The following DNAJC18 variants were observed in gnomAD, a reference collection of about 807,000 sequenced individuals.
DNAJC18 encodes DnaJ heat shock protein family (Hsp40) member C18.
A neutral mutation model predicts 48.6 loss-of-function variants in DNAJC18; 40 were observed. The ratio of observed to expected loss-of-function variants is 0.82; its 90% CI spans 0.64 to 1.07. DNAJC18 has a LOEUF of 1.07. Among genes scored for constraint, DNAJC18 ranks in the 50% least tolerant of loss-of-function variants. The pLI is 0.00. For missense variants in DNAJC18, 340 were observed against 427.7 expected (o/e 0.79, Z 1.81); for synonymous variants, 135 against 152.2 (o/e 0.89, Z 0.83).
In DNAJC18 at chr5:139,412,741, G is replaced by T; in HGVS notation, c.*1407C>A. On this transcript the variant is annotated 3_prime_UTR_variant, in exon 8 of 8. Transcript: ENST00000302060. ...TCTTCCTAGTCACCAGTGGAGGGCT[G>T]CCTGCCTGTGAGGGACCTCTTATTT... 1 of 398,666 alleles carries T rather than the reference G, an allele frequency of 2.5e-6. No individual in the cohort carries two copies. The highest frequency in any genetic ancestry group is 1.3e-4 in the South Asian group (1 of 7,856). The allele number at this position is 398,666 out of a possible 1,614,324, so 24.7% of individuals were successfully genotyped here.
intron 7 of DNAJC18, among the ~76,000 whole-genome samples, chr5:139,416,999 C>G (rs1759078539): frequency 6.6e-6 from 1 of 152,090 alleles, no homozygotes; most frequent in African/African-American, 2.4e-5. Context: ...ACCAGCCTGA[C>G]CAACATCCTT....
intron 2 of DNAJC18, among the ~76,000 whole-genome samples, chr5:139,436,526 T>G (rs866062941): frequency 7.0e-6 from 1 of 143,428 alleles, no homozygotes; most frequent in East Asian, 2.0e-4. Flanking sequence ...TTTTTTTTTT[T>G]TTTTTTTTTT....
intron 5 of DNAJC18, among the ~76,000 whole-genome samples, chr5:139,423,021 G>A (rs1759179854): frequency 6.6e-6 from 1 of 152,036 alleles, no homozygotes; most frequent in Non-Finnish European, 1.5e-5. Context: ...ATTTTTAGTA[G>A]AGACAGGGTT....
chr5:139,424,317 T>C (rs1013393858), intron 5 of DNAJC18, among the ~76,000 whole-genome samples: 2 of 152,186 alleles, frequency 1.3e-5, no homozygotes, highest in Non-Finnish European at 2.9e-5. Flanking sequence ...TGTTCCTGTC[T>C]GTCATGAGGC....
intron 2 of DNAJC18, among the ~76,000 whole-genome samples, chr5:139,436,515 C>CTTTTTTTTT (rs57926576): frequency 8.9e-5 from 6 of 67,644 alleles, no homozygotes; most frequent in Non-Finnish European, 7.6e-5. Flanking sequence ...ATCCCTCTTT[C>CTTTTTTTTT]TTTTTTTTTT....
intron 6 of DNAJC18, 150 bp downstream of exon 6, chr5:139,422,558 C>A: frequency 1.6e-6 from 1 of 631,354 alleles, no homozygotes. Flanking sequence ...TGAGTCTCAG[C>A]ACCATGACTA....
chr5:139,425,831 C>T (rs1413864669), intron 4 of DNAJC18, among the ~76,000 whole-genome samples: 1 of 152,162 alleles, frequency 6.6e-6, no homozygotes, highest in African/African-American at 2.4e-5. Flanking sequence ...TTCCTATCTT[C>T]TATCTTTGTA....
In DNAJC18 at chr5:139,421,363, C is replaced by T. The variant is rs1437146374; in HGVS notation, c.780-1138G>A. ...ACTCAGGAGGCTGAGGCATGAGAAT[C>T]GCTTGAACCTGGGAGAAGGGGATTA... On this transcript the variant is annotated intron_variant, in intron 6 of 7. Transcript: ENST00000302060. Among the ~76,000 whole-genome samples, 7 of 151,538 alleles carry T rather than the reference C, an allele frequency of 4.6e-5. No homozygotes were observed. The South Asian group carries it at 1.3e-3, about 27-fold the overall frequency.
At chr5:139,421,228 G>A (rs2152083246) in intron 6 of DNAJC18, among the ~76,000 whole-genome samples, 1 of 152,300 alleles carries the variant, frequency 6.6e-6, no homozygotes, top group Non-Finnish European at 1.5e-5. Context: ...GGCCAAGAAA[G>A]GTGGAGGTCA....
At chr5:139,421,961 A>G (rs1759161020) in intron 6 of DNAJC18, among the ~76,000 whole-genome samples, 1 of 152,200 alleles carries the variant, frequency 6.6e-6, no homozygotes, top group South Asian at 2.1e-4. Context: ...AATTATAATA[A>G]TGAATAATAA....
chr5:139,424,891 A>T (rs763519859), intron 5 of DNAJC18, 114 bp downstream of exon 5: 5 of 927,296 alleles, frequency 5.4e-6, no homozygotes, highest in Non-Finnish European at 8.5e-6. Flanking sequence ...CCTAAAGCAC[A>T]TCTTTCCTAA....
At chr5:139,418,331 T>C (rs1759099539) in intron 7 of DNAJC18, among the ~76,000 whole-genome samples, 1 of 151,990 alleles carries the variant, frequency 6.6e-6, no homozygotes, top group South Asian at 2.1e-4. Flanking sequence ...TTTTATACTT[T>C]TTCTAGAGAT....
At chr5:139,422,864 T>G in intron 5 of DNAJC18, 47 bp from the exon 6 acceptor site, 1 of 1,427,766 alleles carries the variant, frequency 7.0e-7, no homozygotes, top group Non-Finnish European at 9.6e-7. Context: ...GTTCTTTTTT[T>G]TTTTTCTGTC....
At position 139,424,880 on chromosome 5, in the gene DNAJC18, T is replaced by C. The variant is rs111995756; in HGVS notation, c.669+125A>G. On this transcript the variant is annotated intron_variant, in intron 5 of 7. Transcript: ENST00000302060. ...GCTCTTCTAACCATTGCTTTTGCTT[T>C]CCTAAAGCACATCTTTCCTAAAGCA... The C allele has an allele frequency of 5.2e-4, 438 of 834,968 alleles. 4 individuals are homozygous for C. In the African/African-American group the frequency reaches 6.7e-3, roughly 13 times the overall value. 51.7% of individuals were successfully genotyped at this position (834,968 alleles called of 1,614,324 possible).
At chr5:139,424,019 C>T (rs527724595) in intron 5 of DNAJC18, among the ~76,000 whole-genome samples, 2 of 152,320 alleles carry the variant, frequency 1.3e-5, no homozygotes, top group East Asian at 3.9e-4. Context: ...TTGGCCACAG[C>T]TGATTGGACT....
At chr5:139,418,563 A>G (rs1759103813) in intron 7 of DNAJC18, among the ~76,000 whole-genome samples, 1 of 152,164 alleles carries the variant, frequency 6.6e-6, no homozygotes, top group Non-Finnish European at 1.5e-5. Flanking sequence ...AGTGTTTTTC[A>G]ATAAATTGGA....
At chr5:139,427,167 CA>C (rs1384187522) in intron 3 of DNAJC18, among the ~76,000 whole-genome samples, 2 of 152,154 alleles carry the variant, frequency 1.3e-5, no homozygotes, top group African/African-American at 2.4e-5. Context: ...TGACTAAAAA[CA>C]AAGTCTTCAT....
intron 5 of DNAJC18, among the ~76,000 whole-genome samples, chr5:139,424,278 C>T (rs1359015721): frequency 6.6e-6 from 1 of 152,176 alleles, no homozygotes; most frequent in Non-Finnish European, 1.5e-5. Flanking sequence ...AGCACAGCTG[C>T]TTGGGAGCCT....
At chr5:139,416,945 T>C (rs1759077445) in intron 7 of DNAJC18, among the ~76,000 whole-genome samples, 1 of 152,234 alleles carries the variant, frequency 6.6e-6, no homozygotes, top group African/African-American at 2.4e-5. Context: ...TCCCAGCACT[T>C]CGGAGGCCGA....
Sources: gnomAD v4.1 joint callset for allele counts (sites outside exome capture counted in the v4.1 genomes callset) on GRCh38, gnomAD v4.1.1 for gene constraint, MANE v1.5 for transcripts, NCBI Gene and HGNC (gene_info 2026-07-23, HGNC 2026-07-21) for gene names.